The following METAP1 variants were observed in gnomAD, a reference collection of about 807,000 sequenced individuals.
The protein encoded by METAP1 is methionine aminopeptidase 1.
METAP1 carries 28 observed loss-of-function variants against 53.8 expected under a neutral mutation model. The ratio of observed to expected loss-of-function variants is 0.52; its 90% CI spans 0.39 to 0.71. The LOEUF (loss-of-function observed/expected upper bound fraction) is 0.71, where lower values mean the gene tolerates loss of function less well. METAP1 is among the 30% of genes least tolerant of loss of function. METAP1 has a pLI of 0.00. For missense variants in METAP1, 389 were observed against 479.8 expected, an observed-to-expected ratio of 0.81 and a Z score of 1.77; for synonymous variants, 181 against 165.7, an observed-to-expected ratio of 1.09 and a Z score of -0.71.
chr4:99,026,830 C>G, intron 1 of METAP1: 1 of 985,246 alleles, frequency 1.0e-6, no homozygotes, highest in South Asian at 4.7e-5. Flanking sequence ...GCCTCATGGC[C>G]CCAGTAAGGA....
chr4:99,011,339 C>T (rs868748061), intron 1 of METAP1, among the ~76,000 whole-genome samples: 6 of 151,962 alleles, frequency 3.9e-5, no homozygotes, highest in African/African-American at 1.5e-4. Flanking sequence ...TTCATGTATT[C>T]CTAGTTTGTT....
In METAP1 at chr4:99,001,236, C is replaced by T. The variant is rs116142531; in HGVS notation, c.114+5369C>T. Among the ~76,000 whole-genome samples, 1,145 of 152,208 alleles carry T rather than the reference C, an allele frequency of 7.5e-3. 11 individuals are homozygous for T. The highest frequency in any genetic ancestry group is 0.027 in the African/African-American group (1,102 of 41,526). ...TTAAATTCCTCATGTCACTTCAGACCACCCTTAAACACTCCTGTAAGTTAG... is the reference window on the plus strand; with the variant it reads ...TTAAATTCCTCATGTCACTTCAGACTACCCTTAAACACTCCTGTAAGTTAG... On this transcript the variant is annotated intron_variant, in intron 1 of 10. Coordinates refer to ENST00000296411, the MANE Select transcript of METAP1 (RefSeq NM_015143.3).
At chr4:99,055,812 C>T (rs542539068) in intron 9 of METAP1, among the ~76,000 whole-genome samples, 1 of 152,224 alleles carries the variant, frequency 6.6e-6, no homozygotes, top group Admixed American at 6.5e-5. Context: ...ACCACACTGA[C>T]ATTCTTGACG....
In METAP1 at chr4:99,034,171, G is replaced by T. The variant is rs939419972; in HGVS notation, c.167-59G>T. On this transcript the variant is annotated intron_variant, in intron 2 of 10. Transcript: ENST00000296411. ...GCTGCTGCTCATTAGCTTGACCACT[G>T]AAACATTCCTTTCCCTCCTTCTCCT... 7 of 1,061,724 alleles carry T rather than the reference G, an allele frequency of 6.6e-6. No homozygotes were observed. In the African/African-American group the frequency reaches 7.9e-5, roughly 12 times the overall value. 65.8% of individuals were successfully genotyped at this position (1,061,724 alleles called of 1,614,324 possible). A position where few individuals can be genotyped will look rare whatever the true frequency, so the allele number is the denominator to read the frequency against.
At chr4:99,059,277 C>T (rs192980019) in intron 10 of METAP1, among the ~76,000 whole-genome samples, 37 of 151,980 alleles carry the variant, frequency 2.4e-4, no homozygotes, top group African/African-American at 8.0e-4. Context: ...TTTGACTTGA[C>T]ATTACTAAAA....
chr4:99,028,786 C>T, intron 1 of METAP1, 81 bp from the exon 2 acceptor site: 1 of 1,029,244 alleles, frequency 9.7e-7, no homozygotes, highest in Non-Finnish European at 1.4e-6. Context: ...TTTACAATAA[C>T]TCTTGCTTAT....
chr4:99,026,486 G>A, intron 1 of METAP1: 2 of 985,430 alleles, frequency 2.0e-6, no homozygotes, highest in Non-Finnish European at 2.4e-6. Flanking sequence ...ATAACGGTGA[G>A]TGTTAGGATT....
intron 9 of METAP1, among the ~76,000 whole-genome samples, chr4:99,053,011 A>C (rs948795226): frequency 1.3e-5 from 2 of 152,186 alleles, no homozygotes; most frequent in Non-Finnish European, 2.9e-5. Context: ...TCAACTGTTC[A>C]AGTTTCATCA....
rs1378864326 is a variant in METAP1 at position 99,062,804 on chromosome 4, ATCC to A, written c.*1489_*1491del. On this transcript the variant is annotated 3_prime_UTR_variant, in exon 11 of 11. Coordinates refer to ENST00000296411, the MANE Select transcript of METAP1 (RefSeq NM_015143.3). Reference sequence around the variant, plus strand: ...GGGAGATTAAAAAGTTTGAATGATTATCCTACCATGTAGTCATTAACTTTGCTG... The same window carrying A: ...GGGAGATTAAAAAGTTTGAATGATTATACCATGTAGTCATTAACTTTGCTG... 2.6e-5 allele frequency: 4 copies of A among 152,670 alleles called. No individual in the cohort carries two copies. The highest frequency in any genetic ancestry group is 5.9e-5 in the Non-Finnish European group (4 of 68,046). The allele number at this position is 152,670 out of a possible 1,614,324, so 9.5% of individuals were successfully genotyped here.
chr4:99,025,022 A>G lies in METAP1; in HGVS notation c.115-3845A>G, dbSNP rs562463615. Among the ~76,000 whole-genome samples the G allele has an allele frequency of 1.7e-3, 259 of 152,336 alleles. 1 individual carries two copies. The highest frequency in any genetic ancestry group is 4.8e-3 in the Admixed American group (74 of 15,306). On this transcript the variant is annotated intron_variant, in intron 1 of 10. Transcript: ENST00000296411. ...TTCAAAATAGAGTTTGTGCGCTCCT[A>G]TGAGAATCTAATGCCACTGCTGATC...
chr4:99,015,254 T>C (rs1468630218), intron 1 of METAP1, among the ~76,000 whole-genome samples: 2 of 152,198 alleles, frequency 1.3e-5, no homozygotes. Flanking sequence ...CTTGTACTAC[T>C]GATGCTTTTG....
intron 1 of METAP1, among the ~76,000 whole-genome samples, chr4:99,007,521 A>G (rs1383782547): frequency 1.3e-5 from 2 of 151,930 alleles, no homozygotes; most frequent in African/African-American, 4.8e-5. Context: ...GGAGGTTGCA[A>G]ATGGTGATTT....
At chr4:99,017,098 T>G (rs1723810607) in intron 1 of METAP1, among the ~76,000 whole-genome samples, 1 of 152,252 alleles carries the variant, frequency 6.6e-6, no homozygotes, top group African/African-American at 2.4e-5. Flanking sequence ...TGCAAGATTA[T>G]TACCTCGACT....
chr4:99,000,562 G>A (rs1039509044), intron 1 of METAP1, among the ~76,000 whole-genome samples: 9 of 151,138 alleles, frequency 6.0e-5, no homozygotes, highest in African/African-American at 2.2e-4. Flanking sequence ...GAGGGGAAAT[G>A]TTACTTGTTT....
chr4:99,038,568 A>G (rs548490936), intron 4 of METAP1, among the ~76,000 whole-genome samples: 1 of 152,142 alleles, frequency 6.6e-6, no homozygotes, highest in South Asian at 2.1e-4. Context: ...CTGTTTGTTA[A>G]TATTTTTATT....
chr4:99,017,602 G>A (rs551786480), intron 1 of METAP1, among the ~76,000 whole-genome samples: 46 of 152,206 alleles, frequency 3.0e-4, no homozygotes, highest in Non-Finnish European at 5.1e-4. Flanking sequence ...TTAAGAATCC[G>A]GCAGGGTCAA....
chr4:99,057,725 CT>C (rs1189787558), intron 9 of METAP1, 27 bp from the exon 10 acceptor site: 1 of 1,552,796 alleles, frequency 6.4e-7, no homozygotes, highest in Non-Finnish European at 8.7e-7. Context: ...GTTTTGCTAC[CT>C]TTTGAGATTT....
intron 2 of METAP1, 29 bp downstream of exon 2, chr4:99,028,947 T>A: frequency 6.8e-7 from 1 of 1,469,864 alleles, no homozygotes; most frequent in Non-Finnish European, 9.2e-7. Context: ...TTTTACACCA[T>A]TTGTCTTAGA....
Position 99,057,804 on chromosome 4 carries a change from C to G in METAP1, c.983C>G (p.Pro328Arg). Residue 328 changes from proline to arginine, a missense_variant, in exon 10 of 11, where the codon CCA (proline) becomes CGA (arginine). Transcript: ENST00000296411. ...TCGGGCCATGTATTTACAATTGAGC[C>G]AATGATTTGTGAAGGTGAGAAAAAA... ...MKSGHVFTIE[P>R]MICEGGWQDE... 1 of 1,595,526 alleles carries G rather than the reference C, an allele frequency of 6.3e-7. No homozygotes were observed. Among genetic ancestry groups the G allele is most frequent in the Non-Finnish European group, 8.5e-7 (1 of 1,170,426 alleles).
Sources: gnomAD v4.1 joint callset for allele counts (sites outside exome capture counted in the v4.1 genomes callset) on GRCh38, gnomAD v4.1.1 for gene constraint, MANE v1.5 for transcripts, NCBI Gene and HGNC (gene_info 2026-07-23, HGNC 2026-07-21) for gene names.